Variants in DGKI observed in about 807,000 individuals in gnomAD.
DGKI encodes DAG kinase iota.
A neutral mutation model predicts 147.5 loss-of-function variants in DGKI; 55 were observed. The observed-to-expected ratio is 0.37, with a 90% CI of 0.30 to 0.47. The LOEUF (loss-of-function observed/expected upper bound fraction) is 0.47, where lower values mean the gene tolerates loss of function less well. Among genes scored for constraint, DGKI ranks in the 20% least tolerant of loss-of-function variants. The pLI is 1.00. For missense variants in DGKI, 1,007 were observed against 1,323.8 expected (o/e 0.76, Z 3.71); for synonymous variants, 469 against 477.1 (o/e 0.98, Z 0.22).
At chr7:137,808,297 A>C (rs1267630419) in intron 1 of DGKI, among the ~76,000 whole-genome samples, 2 of 152,338 alleles carry the variant, frequency 1.3e-5, no homozygotes, top group East Asian at 3.9e-4. Context: ...AATCTTATAA[A>C]TACAGACTTA....
intron 28 of DGKI, among the ~76,000 whole-genome samples, chr7:137,413,261 A>G (rs899294240): frequency 4.1e-5 from 4 of 97,242 alleles, no homozygotes; most frequent in African/African-American, 2.0e-4. Context: ...GTGAGACTCC[A>G]TCTCAAAAAA....
chr7:137,845,358 T>G (rs1329290456), intron 1 of DGKI, among the ~76,000 whole-genome samples: 1 of 152,178 alleles, frequency 6.6e-6, no homozygotes, highest in African/African-American at 2.4e-5. Context: ...TGCGTTTGCT[T>G]ACATAACAGC....
intron 1 of DGKI, among the ~76,000 whole-genome samples, chr7:137,844,087 C>T (rs1671433201): frequency 6.6e-6 from 1 of 152,146 alleles, no homozygotes; most frequent in Admixed American, 6.5e-5. Flanking sequence ...CAGCTCCTGA[C>T]AAACCTGCTC....
intron 20 of DGKI, among the ~76,000 whole-genome samples, chr7:137,540,762 C>CAAAA (rs1563075698): frequency 1.7e-5 from 1 of 58,406 alleles, no homozygotes. Context: ...AAAACCCCCC[C>CAAAA]AAAAAAAAAA....
At position 137,846,432 on chromosome 7, in the gene DGKI, C is replaced by G; in HGVS notation, c.401+30G>C. ...GAGTGGGTCTCCCGCCGCGGCGCAC[C>G]TGTCTCGGCTGCCGGCTCCCCGCAC... On this transcript the variant is annotated intron_variant, in intron 1 of 32. Transcript: ENST00000614521. This position sits in a 1 kb window ranked among gnomAD's most constrained non-coding sequence, Gnocchi z 4.0. 1 of 1,535,308 alleles carries G rather than the reference C, an allele frequency of 6.5e-7. No homozygotes were observed. The highest frequency in any genetic ancestry group is 8.9e-7 in the Non-Finnish European group (1 of 1,129,904).
chr7:137,606,430 G>C (rs1250617958), intron 10 of DGKI, among the ~76,000 whole-genome samples: 2 of 152,100 alleles, frequency 1.3e-5, no homozygotes, highest in Non-Finnish European at 2.9e-5. Flanking sequence ...CAAAACTCAA[G>C]ATTTAACAAA....
intron 10 of DGKI, among the ~76,000 whole-genome samples, chr7:137,607,677 C>T (rs1274171531): frequency 6.6e-6 from 1 of 152,110 alleles, no homozygotes; most frequent in Non-Finnish European, 1.5e-5. Flanking sequence ...TTCAGGGTTC[C>T]CAACTGCATC....
intron 2 of DGKI, among the ~76,000 whole-genome samples, chr7:137,682,016 T>C (rs1372736182): frequency 1.3e-5 from 2 of 152,206 alleles, no homozygotes; most frequent in African/African-American, 4.8e-5. Flanking sequence ...TAGCACATGG[T>C]TGCTGGGAGA....
At chr7:137,610,391 C>G (rs2128993170) in intron 8 of DGKI, among the ~76,000 whole-genome samples, 1 of 152,242 alleles carries the variant, frequency 6.6e-6, no homozygotes, top group South Asian at 2.1e-4. Flanking sequence ...ACTTTATAGA[C>G]CACAATATTG....
chr7:137,397,389 G>A lies in DGKI; in HGVS notation c.2945C>T (p.Ala982Val), dbSNP rs1209309733. The change falls in exon 31 of 33, where the codon GCA (alanine) becomes GTA (valine). Residue 982 changes from alanine to valine, a missense_variant. Coordinates refer to ENST00000614521, the MANE Select transcript of DGKI (RefSeq NM_001321708.2). ...DHGPSELLDMADSETGETALH... is the reference protein window; with the variant it reads ...DHGPSELLDMVDSETGETALH... Reference sequence around the variant, plus strand: ...AGGCAACACTCACGTTTCACTGTCTGCCATATCCAATAACTCGGAAGGTCC... The same window carrying A: ...AGGCAACACTCACGTTTCACTGTCTACCATATCCAATAACTCGGAAGGTCC... 1 of 1,613,136 alleles carries A rather than the reference G, an allele frequency of 6.2e-7. No homozygotes were observed. The highest frequency in any genetic ancestry group is 1.3e-5 in the African/African-American group (1 of 74,910).
At chr7:137,618,161 T>A (rs1420379770) in intron 8 of DGKI, among the ~76,000 whole-genome samples, 9 of 22,068 alleles carry the variant, frequency 4.1e-4, no homozygotes, top group Non-Finnish European at 1.2e-3. Context: ...ATTTTTTTTT[T>A]TTTACTCTAT....
intron 10 of DGKI, among the ~76,000 whole-genome samples, chr7:137,607,580 T>C (rs1235747115): frequency 6.6e-6 from 1 of 152,200 alleles, no homozygotes; most frequent in Non-Finnish European, 1.5e-5. Flanking sequence ...ATCTTATATG[T>C]GGACTGTCAT....
rs35245703 is a variant in DGKI at position 137,465,919 on chromosome 7, T to C, written c.2601A>G (p.Glu867=). 0.016 allele frequency: 26,295 copies of C among 1,613,856 alleles called. 3,667 individuals carry two copies. In the African/African-American group the frequency reaches 0.31, roughly 19 times the overall value. The part of the protein sequence containing the change: ...TPPGMPDLVV[E]QASGISDWWN... ...AGAAGCACACTCACCCCGAGGCTTG[T>C]TCCACCACCAGGTCAGGCATGCCCG... is the stretch of plus-strand genomic sequence containing the variant. The change falls in exon 26 of 33, where the codon GAA becomes GAG. Residue 867 remains glutamate (E), a synonymous_variant. Coordinates refer to ENST00000614521, the MANE Select transcript of DGKI (RefSeq NM_001321708.2).
chr7:137,793,104 T>A (rs1796909051), intron 1 of DGKI, among the ~76,000 whole-genome samples: 1 of 152,194 alleles, frequency 6.6e-6, no homozygotes, highest in South Asian at 2.1e-4. Context: ...TCTTTTTGTG[T>A]AAAAGCTAAA....
At chr7:137,415,968 C>G (rs1166789170) in intron 28 of DGKI, among the ~76,000 whole-genome samples, 1 of 149,766 alleles carries the variant, frequency 6.7e-6, no homozygotes, top group African/African-American at 2.5e-5. Context: ...CCAGCCTGAG[C>G]GACAGAGTGA....
intron 1 of DGKI, among the ~76,000 whole-genome samples, chr7:137,824,630 C>T (rs931266159): frequency 6.6e-6 from 1 of 151,900 alleles, no homozygotes. Context: ...GTTACACAAG[C>T]GGTTGGTTGT....
At chr7:137,585,836 A>G (rs948715802) in intron 13 of DGKI, among the ~76,000 whole-genome samples, 8 of 152,176 alleles carry the variant, frequency 5.3e-5, no homozygotes, top group African/African-American at 1.9e-4. Flanking sequence ...ACCTGAAGCA[A>G]GTCTCACTGA....
At chr7:137,417,762 A>G (rs1329735251) in intron 28 of DGKI, among the ~76,000 whole-genome samples, 3 of 152,308 alleles carry the variant, frequency 2.0e-5, no homozygotes, top group East Asian at 3.9e-4. Context: ...ATGCCCTTCT[A>G]AAAGAGCCTT....
chr7:137,810,745 G>GTT (rs35934165), intron 1 of DGKI, among the ~76,000 whole-genome samples: 4 of 149,778 alleles, frequency 2.7e-5, no homozygotes, highest in East Asian at 2.0e-4. Context: ...CCCTGGAGAA[G>GTT]TTTTTTTTTT....
Sources: gnomAD v4.1 joint callset for allele counts (sites outside exome capture counted in the v4.1 genomes callset) on GRCh38, gnomAD v4.1.1 for gene constraint, Gnocchi (gnomAD v3.1) non-coding constraint, MANE v1.5 for transcripts, NCBI Gene and HGNC (gene_info 2026-07-23, HGNC 2026-07-21) for gene names.